Variants in SPIDR observed in about 807,000 individuals in gnomAD.
SPIDR encodes DNA repair-scaffolding protein.
In SPIDR, 93 loss-of-function variants were observed where a neutral mutation model predicts 104.6. That is an observed-to-expected ratio of 0.89 (90% CI 0.75 to 1.06). SPIDR has a LOEUF of 1.06. SPIDR is among the 50% of genes least tolerant of loss of function. The pLI is 0.00. For synonymous variants in SPIDR, 431 were observed against 416.9 expected (o/e 1.03, Z -0.41); for missense variants, 1,154 against 1,111.2 (o/e 1.04, Z -0.55).
At chr8:47,583,305 C>A (rs1357929489) in intron 8 of SPIDR, among the ~76,000 whole-genome samples, 523 of 110,944 alleles carry the variant, frequency 4.7e-3, no homozygotes, top group Admixed American at 6.0e-3. Flanking sequence ...GACTCCATCT[C>A]AAAAAAAAAA....
At chr8:47,722,019 A>T (rs1344212459) in intron 16 of SPIDR, among the ~76,000 whole-genome samples, 1 of 152,200 alleles carries the variant, frequency 6.6e-6, no homozygotes, top group Non-Finnish European at 1.5e-5. Context: ...TGAACATGGA[A>T]TATCTTTGCA....
At chr8:47,546,915 A>G (rs1004956201) in intron 8 of SPIDR, 3 of 456,164 alleles carry the variant, frequency 6.6e-6, no homozygotes, top group African/African-American at 6.1e-5. Flanking sequence ...TGCCAGTAAC[A>G]AAAACGTTGG....
intron 1 of SPIDR, among the ~76,000 whole-genome samples, chr8:47,277,669 C>G (rs1483619735): frequency 3.6e-5 from 4 of 110,528 alleles, no homozygotes; most frequent in African/African-American, 1.4e-4. Flanking sequence ...TGTTTAACCT[C>G]TTTTTTTTTT....
At chr8:47,701,934 A>G (rs1589328414) in intron 13 of SPIDR, 22 bp from the exon 14 acceptor site, 1 of 1,613,956 alleles carries the variant, frequency 6.2e-7, no homozygotes, top group Non-Finnish European at 8.5e-7. Flanking sequence ...AATGCTGCCA[A>G]CCTTTTCTAA....
At chr8:47,516,100 C>T (rs1046494268) in intron 8 of SPIDR, among the ~76,000 whole-genome samples, 8 of 152,294 alleles carry the variant, frequency 5.3e-5, no homozygotes, top group South Asian at 2.1e-4. Flanking sequence ...TGAGCCACTG[C>T]GCCCGGCCAG....
chr8:47,661,381 C>T (rs142397668), intron 10 of SPIDR, among the ~76,000 whole-genome samples: 20 of 152,344 alleles, frequency 1.3e-4, no homozygotes, highest in African/African-American at 4.3e-4. Flanking sequence ...GCAGAGAAGT[C>T]GCCTGCAGCC....
At position 47,650,832 on chromosome 8, in the gene SPIDR, T is replaced by TA. The variant is rs201868022; in HGVS notation, c.1545-22968dup. On this transcript the variant is annotated intron_variant, in intron 10 of 19. Transcript: ENST00000297423. Reference sequence around the variant, plus strand: ...CAGTTAATAGGTCTTCAACAAAGCATATAAAAACATAGATTAGGGGAAGGA... The same window carrying TA: ...CAGTTAATAGGTCTTCAACAAAGCATAATAAAAACATAGATTAGGGGAAGGA... 3.1e-3 allele frequency among the ~76,000 whole-genome samples: 478 copies of TA among 152,062 alleles called. 2 individuals carry two copies. Among genetic ancestry groups the TA allele is most frequent in the African/African-American group, 0.011 (461 of 41,492 alleles).
At chr8:47,492,125 A>G (rs537316640) in intron 8 of SPIDR, among the ~76,000 whole-genome samples, 14 of 152,160 alleles carry the variant, frequency 9.2e-5, no homozygotes, top group African/African-American at 3.1e-4. Context: ...TCCCTGTGCT[A>G]CATGTGAAAA....
chr8:47,503,080 G>T (rs1207246351), intron 8 of SPIDR, among the ~76,000 whole-genome samples: 2 of 152,204 alleles, frequency 1.3e-5, no homozygotes, highest in Non-Finnish European at 2.9e-5. Flanking sequence ...TTTGGAATAG[G>T]TGTGTTGTGG....
intron 8 of SPIDR, among the ~76,000 whole-genome samples, chr8:47,525,419 C>A (rs2084820542): frequency 6.6e-6 from 1 of 152,220 alleles, no homozygotes; most frequent in South Asian, 2.1e-4. Context: ...AACCTACTTT[C>A]TTTTTCTTTA....
chr8:47,686,246 G>A (rs2077802938), intron 11 of SPIDR, among the ~76,000 whole-genome samples: 1 of 152,142 alleles, frequency 6.6e-6, no homozygotes, highest in African/African-American at 2.4e-5. Context: ...AATAGCTTGC[G>A]GCAGTAGTTG....
At chr8:47,658,626 T>C (rs2073411910) in intron 10 of SPIDR, among the ~76,000 whole-genome samples, 1 of 151,472 alleles carries the variant, frequency 6.6e-6, no homozygotes, top group South Asian at 2.1e-4. Flanking sequence ...ATAAAGATGG[T>C]GTGTGAGTAT....
At chr8:47,274,778 A>T (rs985922750) in intron 1 of SPIDR, among the ~76,000 whole-genome samples, 4 of 151,178 alleles carry the variant, frequency 2.6e-5, no homozygotes, top group Non-Finnish European at 5.9e-5. Flanking sequence ...TTTTCACCAG[A>T]TTGGCCAGGC....
intron 7 of SPIDR, among the ~76,000 whole-genome samples, chr8:47,437,108 T>TTA (rs1292060637): frequency 6.6e-6 from 1 of 152,188 alleles, no homozygotes; most frequent in Non-Finnish European, 1.5e-5. Flanking sequence ...TCTTTTTTTT[T>TTA]TATACTTTAA....
In SPIDR at chr8:47,595,824, A is replaced by C. The variant is rs1564427969; in HGVS notation, c.1111A>C (p.Ile371Leu). The change falls in exon 9 of 20, where the codon ATT (isoleucine) becomes CTT (leucine). Residue 371 changes from isoleucine to leucine, a missense_variant. By Grantham distance (5) the Ile-to-Leu change is conservative. Coordinates refer to ENST00000297423, the MANE Select transcript of SPIDR (RefSeq NM_001080394.4). ...TCTCTTTTCCAGGCAAAAACTGATT[A>C]TTCCAAGTGGAAGTTGCCCTGTTAT... Reference protein sequence around the residue: ...RIFPPWQKLIIPSGSCPVILN... With the variant: ...RIFPPWQKLILPSGSCPVILN... 6.2e-7 allele frequency: 1 copy of C among 1,613,980 alleles called. No homozygotes were observed. The highest frequency in any genetic ancestry group is 1.7e-5 in the Admixed American group (1 of 59,948).
intron 8 of SPIDR, among the ~76,000 whole-genome samples, chr8:47,457,055 C>T (rs1211645154): frequency 6.6e-6 from 1 of 152,096 alleles, no homozygotes; most frequent in Non-Finnish European, 1.5e-5. Flanking sequence ...CAAATTGTGC[C>T]ACTATAAACA....
At chr8:47,307,834 C>A (rs945315269) in intron 5 of SPIDR, among the ~76,000 whole-genome samples, 1 of 152,014 alleles carries the variant, frequency 6.6e-6, no homozygotes, top group Non-Finnish European at 1.5e-5. Context: ...CCACTGTGCC[C>A]GCCCTAGTAC....
intron 14 of SPIDR, 86 bp from the exon 15 acceptor site, chr8:47,712,576 T>C: frequency 1.5e-6 from 2 of 1,317,696 alleles, no homozygotes; most frequent in Non-Finnish European, 1.1e-6. Context: ...CTTAAATTGT[T>C]AGTATATGTA....
At chr8:47,541,002 G>A (rs2088007846) in intron 8 of SPIDR, among the ~76,000 whole-genome samples, 2 of 152,048 alleles carry the variant, frequency 1.3e-5, no homozygotes, top group Admixed American at 1.3e-4. Flanking sequence ...TGGGAATACA[G>A]GTGTCTACCA....
Sources: gnomAD v4.1 joint callset for allele counts (sites outside exome capture counted in the v4.1 genomes callset) on GRCh38, gnomAD v4.1.1 for gene constraint, MANE v1.5 for transcripts, NCBI Gene and HGNC (gene_info 2026-07-23, HGNC 2026-07-21) for gene names.